Variants in NFYA observed in about 807,000 individuals in gnomAD.
NFYA encodes nuclear transcription factor Y subunit alpha, also known as CAAT-box DNA binding protein subunit A.
A neutral mutation model predicts 52.8 loss-of-function variants in NFYA; 28 were observed. That is an observed-to-expected ratio of 0.53 (90% CI 0.39 to 0.73). The LOEUF is 0.73. Ranked by LOEUF, NFYA falls within the 30% of genes least tolerant of loss-of-function variation. NFYA has a pLI of 0.00. For synonymous variants in NFYA, 150 were observed against 150.7 expected (o/e 1.00, Z 0.03); for missense variants, 234 against 427.0 (o/e 0.55, Z 3.98).
At chr6:41,081,271 C>T (rs1466579961) in intron 3 of NFYA, among the ~76,000 whole-genome samples, 2 of 152,096 alleles carry the variant, frequency 1.3e-5, no homozygotes, top group Admixed American at 6.6e-5. Flanking sequence ...AGGCGGATCA[C>T]GAGGTCAGGA....
intron 4 of NFYA, among the ~76,000 whole-genome samples, chr6:41,087,159 T>C (rs1337157452): frequency 6.6e-6 from 1 of 152,194 alleles, no homozygotes; most frequent in African/African-American, 2.4e-5. Flanking sequence ...TAACAGCCAA[T>C]ATAAACTTAG....
intron 8 of NFYA, 71 bp downstream of exon 8, chr6:41,093,156 A>G (rs900295552): frequency 3.6e-6 from 5 of 1,404,048 alleles, no homozygotes; most frequent in African/African-American, 1.4e-5. Flanking sequence ...TATCTTTTAT[A>G]TGGCTTGTTT....
At chr6:41,086,734 AATAG>A (rs1341686358) in intron 4 of NFYA, among the ~76,000 whole-genome samples, 3 of 152,180 alleles carry the variant, frequency 2.0e-5, no homozygotes, top group Admixed American at 6.5e-5. Flanking sequence ...ACAGCCAAGA[AATAG>A]ATAGAAGAAT....
rs890419443 is a variant in NFYA, at chr6:41,092,817, G to A, written c.715-95G>A. The A allele has an allele frequency of 9.1e-6, 12 of 1,319,380 alleles. No individual in the cohort carries two copies. The Admixed American group carries it at 2.1e-4, about 23-fold the overall frequency. The allele number at this position is 1,319,380 out of a possible 1,614,324, so 81.7% of individuals were successfully genotyped here. On this transcript the variant is annotated intron_variant, in intron 7 of 9. Coordinates refer to ENST00000341376, the MANE Select transcript of NFYA (RefSeq NM_002505.5). ...TACCCTATAAAAATTACTTTTTGTG[G>A]CATTTACAAAAAAAATGGATGAAGA...
Position 41,102,310 on chromosome 6 carries a change from A to G in NFYA, c.*4900A>G, listed in dbSNP as rs147541358. Reference sequence around the variant, plus strand: ...GCTAATCTACCCAGTCTCACATTCTATTGACTCATTGTTCAAAGGGGGGGC... The same window carrying G: ...GCTAATCTACCCAGTCTCACATTCTGTTGACTCATTGTTCAAAGGGGGGGC... On this transcript the variant is annotated 3_prime_UTR_variant, in exon 10 of 10. Coordinates refer to ENST00000341376, the MANE Select transcript of NFYA (RefSeq NM_002505.5). 1.3e-5 allele frequency among the ~76,000 whole-genome samples: 2 copies of G among 152,144 alleles called. No individual in the cohort carries two copies. Among genetic ancestry groups the G allele is most frequent in the African/African-American group, 4.8e-5 (2 of 41,504 alleles).
At chr6:41,079,539 ATCT>A (rs1450851338) in intron 2 of NFYA, among the ~76,000 whole-genome samples, 1 of 152,198 alleles carries the variant, frequency 6.6e-6, no homozygotes, top group Non-Finnish European at 1.5e-5. Flanking sequence ...CTTCCAATAA[ATCT>A]TCTGTTTTTT....
rs1489209756 is a variant in NFYA at position 41,102,007 on chromosome 6, C to G, written c.*4597C>G. 1.3e-5 allele frequency: 2 copies of G among 152,204 alleles called. No individual in the cohort carries two copies. Among genetic ancestry groups the G allele is most frequent in the Non-Finnish European group, 2.9e-5 (2 of 68,052 alleles). 9.4% of individuals were successfully genotyped at this position (152,204 alleles called of 1,614,324 possible). A position where few individuals can be genotyped will look rare whatever the true frequency, so the allele number is the denominator to read the frequency against. ...ACATCGTAATTTCTGCTTTGTTGGT[C>G]AGGGTTTACAGCATTAATGGACAGG... On this transcript the variant is annotated 3_prime_UTR_variant, in exon 10 of 10. Transcript: ENST00000341376.
intron 3 of NFYA, among the ~76,000 whole-genome samples, chr6:41,082,934 C>T (rs370939755): frequency 5.5e-4 from 83 of 152,256 alleles, no homozygotes; most frequent in African/African-American, 1.7e-3. Context: ...GTGGCAGTGG[C>T]GGCGGTGGTG....
intron 6 of NFYA, among the ~76,000 whole-genome samples, 183 bp downstream of exon 6, chr6:41,090,492 T>C (rs1764170934): frequency 6.6e-6 from 1 of 152,198 alleles, no homozygotes; most frequent in Non-Finnish European, 1.5e-5. Flanking sequence ...TGACCAACAG[T>C]GATTCCATGT....
intron 2 of NFYA, 104 bp from the exon 3 acceptor site, chr6:41,080,707 C>A: frequency 1.1e-6 from 1 of 907,424 alleles, no homozygotes. Context: ...TTTGAAAGTC[C>A]TTCAGGCTTC....
In NFYA at chr6:41,097,455, GT is replaced by G; in HGVS notation, c.*47del. 1 of 1,596,278 alleles carries G rather than the reference GT, an allele frequency of 6.3e-7. No individual in the cohort carries two copies. Among genetic ancestry groups the G allele is most frequent in the Non-Finnish European group, 8.6e-7 (1 of 1,164,698 alleles). On this transcript the variant is annotated 3_prime_UTR_variant, in exon 10 of 10. Coordinates refer to ENST00000341376, the MANE Select transcript of NFYA (RefSeq NM_002505.5). ...GCTGATCAAGGTCATGTTTCTCACT[GT>G]TCCAGGAAATTGATCAACTCTTCCA... is the stretch of plus-strand genomic sequence containing the variant.
At chr6:41,073,995 C>G (rs771538717) in intron 1 of NFYA, among the ~76,000 whole-genome samples, 3 of 151,518 alleles carry the variant, frequency 2.0e-5, no homozygotes, top group Non-Finnish European at 4.4e-5. Flanking sequence ...AAGATTGATA[C>G]CCTTGCGCAT....
chr6:41,086,138 G>A (rs1034935719), intron 4 of NFYA, among the ~76,000 whole-genome samples: 15 of 152,022 alleles, frequency 9.9e-5, no homozygotes, highest in Middle Eastern at 3.4e-3. Flanking sequence ...CCCTTGCTGC[G>A]CCTTCTCCAC....
intron 1 of NFYA, among the ~76,000 whole-genome samples, chr6:41,074,397 C>T (rs890941997): frequency 1.3e-5 from 2 of 152,196 alleles, no homozygotes; most frequent in African/African-American, 2.4e-5. Context: ...TGGAAATTGA[C>T]AGGTGAACAG....
At chr6:41,094,546 CTTGAG>C (rs1312561994) in intron 9 of NFYA, 49 bp downstream of exon 9, 1 of 1,476,410 alleles carries the variant, frequency 6.8e-7, no homozygotes, top group Non-Finnish European at 9.5e-7. Flanking sequence ...CTTGTATTGA[CTTGAG>C]TTGAAGCCTT....
intron 3 of NFYA, among the ~76,000 whole-genome samples, chr6:41,082,106 C>A (rs1763926608): frequency 6.6e-6 from 1 of 152,210 alleles, no homozygotes; most frequent in South Asian, 2.1e-4. Context: ...GAACTGGCAT[C>A]TCACTTTATT....
At chr6:41,091,392 T>C (rs1383994911) in intron 6 of NFYA, 136 bp from the exon 7 acceptor site, 2 of 774,660 alleles carry the variant, frequency 2.6e-6, no homozygotes, top group Non-Finnish European at 4.0e-6. Context: ...AGAGTACTTT[T>C]TCTCCCCTTG....
chr6:41,093,110 T>C (rs761919083), intron 8 of NFYA, 25 bp downstream of exon 8: 16 of 1,601,290 alleles, frequency 1.0e-5, no homozygotes, highest in East Asian at 4.5e-5. Context: ...GGGAAGGATA[T>C]AGGAAAGGAG....
chr6:41,076,908 A>T (rs528080188), intron 1 of NFYA, among the ~76,000 whole-genome samples: 1 of 152,228 alleles, frequency 6.6e-6, no homozygotes, highest in Non-Finnish European at 1.5e-5. Context: ...ATACAGGCTA[A>T]ATCACTCTGT....
Sources: allele counts gnomAD v4.1 joint callset (sites outside exome capture counted in the v4.1 genomes callset), GRCh38; gene constraint gnomAD v4.1.1; transcripts MANE v1.5; gene names NCBI Gene and HGNC (gene_info 2026-07-23, HGNC 2026-07-21).